Variants in DST observed in about 807,000 individuals in gnomAD.
The protein encoded by DST is bullous pemphigoid antigen.
DST carries 253 observed loss-of-function variants against 875.2 expected under a neutral mutation model. The observed-to-expected ratio is 0.29, with a 90% CI of 0.26 to 0.32. The LOEUF (loss-of-function observed/expected upper bound fraction) is 0.32. Ranked by LOEUF, DST falls within the 10% of genes least tolerant of loss-of-function variation. The pLI, the probability that DST is intolerant of heterozygous loss-of-function variation, is 1.00. For missense variants in DST, 8,287 were observed against 9,111.6 expected, an observed-to-expected ratio of 0.91 and a Z score of 3.68; for synonymous variants, 3,124 against 3,197.1, an observed-to-expected ratio of 0.98 and a Z score of 0.77.
chr6:56,616,123 A>C lies in DST; in HGVS notation c.4930-1639T>G, dbSNP rs773392164. The C allele has an allele frequency of 1.9e-6, 3 of 1,614,110 alleles. No individual in the cohort carries two copies. In the African/African-American group the frequency reaches 4.0e-5, roughly 22 times the overall value. On this transcript the variant is annotated intron_variant, in intron 36 of 103. Coordinates refer to ENST00000680361, the MANE Select transcript of DST (RefSeq NM_001374736.1). The stretch of plus-strand genomic sequence containing the variant: ...CACTAGCAGTCAGCCAATACCCTGC[A>C]ACAGGACTGTGCAAATCTTTCTTGG...
chr6:56,481,890 T>C (rs971707346), intron 90 of DST, among the ~76,000 whole-genome samples, 160 bp downstream of exon 90: 1 of 152,146 alleles, frequency 6.6e-6, no homozygotes, highest in East Asian at 1.9e-4. Flanking sequence ...GACATACATA[T>C]GTAAGCAATG....
chr6:56,569,712 T>A (rs529411763), intron 54 of DST, 144 bp downstream of exon 54: 1 of 568,408 alleles, frequency 1.8e-6, no homozygotes, highest in Non-Finnish European at 2.8e-6. Flanking sequence ...CCCCATGCCA[T>A]GATTTCCAAA....
chr6:56,697,277 G>C (rs969572245), intron 9 of DST, among the ~76,000 whole-genome samples: 1 of 152,008 alleles, frequency 6.6e-6, no homozygotes, highest in Non-Finnish European at 1.5e-5. Context: ...ATTCAATTTT[G>C]CATCCCCAAC....
At chr6:56,865,824 A>C (rs1014512212) in intron 3 of DST, among the ~76,000 whole-genome samples, 7 of 152,172 alleles carry the variant, frequency 4.6e-5, no homozygotes, top group African/African-American at 7.2e-5. Context: ...ACAATGTCTG[A>C]AATGTTCCCA....
At chr6:56,754,561 T>C (rs911543352) in intron 4 of DST, among the ~76,000 whole-genome samples, 14 of 152,154 alleles carry the variant, frequency 9.2e-5, no homozygotes, top group Non-Finnish European at 1.9e-4. Flanking sequence ...TAGCAAAATA[T>C]AGACAAAATC....
At chr6:56,715,497 T>C (rs1232757834) in intron 5 of DST, among the ~76,000 whole-genome samples, 1 of 152,200 alleles carries the variant, frequency 6.6e-6, no homozygotes, top group East Asian at 1.9e-4. Flanking sequence ...TAACCTTCTC[T>C]TGTTTCTCTC....
chr6:56,848,247 G>T lies in DST; in HGVS notation c.625+3150C>A, dbSNP rs550039516. Among the ~76,000 whole-genome samples the T allele has an allele frequency of 2.6e-5, 4 of 152,170 alleles. No homozygotes were observed. In the East Asian group the frequency reaches 7.7e-4, roughly 29 times the overall value. ...GCTCAATAAGTAGTTGCTAAATGTG[G>T]GTGAATTAAGGTATCCCACAGACCA... On this transcript the variant is annotated intron_variant, in intron 4 of 103. Coordinates refer to ENST00000680361, the MANE Select transcript of DST (RefSeq NM_001374736.1).
rs916929785 is a variant in DST, at chr6:56,775,832, T to C, written c.626-40543A>G. Among the ~76,000 whole-genome samples, 11 of 152,320 alleles carry C rather than the reference T, an allele frequency of 7.2e-5. No individual in the cohort carries two copies. In the South Asian group the frequency reaches 2.1e-3, roughly 29 times the overall value. On this transcript the variant is annotated intron_variant, in intron 4 of 103. Coordinates refer to ENST00000680361, the MANE Select transcript of DST (RefSeq NM_001374736.1). ...CAAGTCCATATTGACATACATCAAG[T>C]GACTGAATGAATTAAAAAATTAGAG...
chr6:56,703,542 A>G, intron 7 of DST, 106 bp downstream of exon 7: 1 of 280,194 alleles, frequency 3.6e-6, no homozygotes, highest in South Asian at 1.4e-4. Flanking sequence ...GGCCCTTTCT[A>G]TGCTTTTCTA....
intron 4 of DST, chr6:56,851,005 C>T (rs1171830883): frequency 9.4e-6 from 2 of 212,598 alleles, no homozygotes; most frequent in African/African-American, 4.5e-5. Flanking sequence ...AGCTCAGTGC[C>T]CCTGGGCAAA....
Position 56,580,962 on chromosome 6 carries a change from T to C in DST, c.12904-2025A>G, listed in dbSNP as rs1208152207. Among the ~76,000 whole-genome samples the C allele has an allele frequency of 2.7e-5, 4 of 148,764 alleles. No homozygotes were observed. The Admixed American group carries it at 2.7e-4, about 10-fold the overall frequency. ...ATTGCACAGGCTGGTCTCAAACTCC[T>C]GGGCTCAAGCAATCCTCCCACCTCG... On this transcript the variant is annotated intron_variant, in intron 49 of 103. Transcript: ENST00000680361.
chr6:56,636,114 A>C (rs1056460964), intron 23 of DST, among the ~76,000 whole-genome samples: 5 of 152,038 alleles, frequency 3.3e-5, no homozygotes, highest in Non-Finnish European at 7.4e-5. Context: ...CATTTGTAGA[A>C]TAGAATAAAG....
intron 4 of DST, among the ~76,000 whole-genome samples, chr6:56,756,624 A>G (rs1298904819): frequency 6.6e-6 from 1 of 152,190 alleles, no homozygotes; most frequent in African/African-American, 2.4e-5. Flanking sequence ...CTCCCTCAAG[A>G]CACGCAGAGA....
At position 56,721,184 on chromosome 6, in the gene DST, G is replaced by A. The variant is rs74630165; in HGVS notation, c.687+14044C>T. On this transcript the variant is annotated intron_variant, in intron 5 of 103. Coordinates refer to ENST00000680361, the MANE Select transcript of DST (RefSeq NM_001374736.1). ...CTCCCAGATGGGGCGGCTGCCGGGC[G>A]GGGGTGCGCCCCCCACCTCCCAGAT... is the stretch of plus-strand genomic sequence containing the variant. 1.5e-3 allele frequency among the ~76,000 whole-genome samples: 136 copies of A among 92,126 alleles called. No individual in the cohort carries two copies. The East Asian group carries it at 0.021, about 15-fold the overall frequency. 60.4% of individuals were successfully genotyped at this position (92,126 alleles called of 152,430 possible).
At chr6:56,543,827 C>T (rs1321146952) in intron 61 of DST, among the ~76,000 whole-genome samples, 4 of 152,092 alleles carry the variant, frequency 2.6e-5, no homozygotes, top group Non-Finnish European at 5.9e-5. Flanking sequence ...AATGAGAAAA[C>T]GTTATCTCAA....
chr6:56,799,357 T>C (rs2099744044), intron 4 of DST, among the ~76,000 whole-genome samples: 1 of 122,726 alleles, frequency 8.1e-6, no homozygotes, highest in African/African-American at 4.6e-5. Context: ...ACTATCTCTC[T>C]TTTTTTTTTT....
chr6:56,634,233 G>A lies in DST; in HGVS notation c.3520C>T (p.Leu1174=). The A allele has an allele frequency of 6.2e-7, 1 of 1,613,780 alleles. No individual in the cohort carries two copies. Among genetic ancestry groups the A allele is most frequent in the Non-Finnish European group, 8.5e-7 (1 of 1,179,954 alleles). ...ATGTGAGACTCATGCCAAAGAGTCA[G>A]GACATTCTGATACTGTTGCTCAATT... ...NRIEQQYQNV[L]TLWHESHINM... is the part of the protein sequence containing the mutation. Residue 1174 remains leucine, a synonymous_variant, in exon 27 of 104, where the codon CTG becomes TTG. Transcript: ENST00000680361.
intron 74 of DST, 36 bp from the exon 75 acceptor site, chr6:56,508,791 T>G (rs768957360): frequency 2.7e-5 from 41 of 1,499,494 alleles, no homozygotes; most frequent in Non-Finnish European, 3.6e-5. Context: ...GGCGACTGGT[T>G]AGCCCCACGT....
chr6:56,677,329 T>A (rs894386070), intron 9 of DST, among the ~76,000 whole-genome samples: 2 of 152,088 alleles, frequency 1.3e-5, no homozygotes, highest in Non-Finnish European at 2.9e-5. Flanking sequence ...TATCTATCCA[T>A]CTATCTGAGA....
Sources: gnomAD v4.1 joint callset for allele counts (sites outside exome capture counted in the v4.1 genomes callset) on GRCh38, gnomAD v4.1.1 for gene constraint, MANE v1.5 for transcripts, NCBI Gene and HGNC (gene_info 2026-07-23, HGNC 2026-07-21) for gene names.